GMCL1: variants seen among roughly 807,000 people sequenced by gnomAD.
The protein encoded by GMCL1 is germ cell-less protein-like 1.
A neutral mutation model predicts 75.5 loss-of-function variants in GMCL1; 54 were observed. The ratio of observed to expected loss-of-function variants is 0.71; its 90% CI spans 0.57 to 0.90. GMCL1 has a LOEUF of 0.90. Among genes scored for constraint, GMCL1 ranks in the 40% least tolerant of loss-of-function variants. The pLI is 0.00. For synonymous variants in GMCL1, 210 were observed against 209.6 expected, an observed-to-expected ratio of 1.00 and a Z score of -0.02; for missense variants, 537 against 622.7, an observed-to-expected ratio of 0.86 and a Z score of 1.47.
rs1288960821 is a variant in GMCL1 at position 69,871,767 on chromosome 2, A to G, written c.1387A>G (p.Ser463Gly). The part of the protein sequence containing the change: ...AFRLRLASFD[S>G]SGKLICSRTT... ...TAGATTACGTTTGGCTTCTTTTGAT[A>G]GTAGTGGAAAACTAATATGTAGTAG... Residue 463 changes from serine to glycine, a missense_variant, in exon 13 of 14, where the codon AGT becomes GGT. Around this residue, in one of 3 missense-constraint regions of GMCL1, gnomAD observed 345 missense variants for 410.5 expected, o/e 0.84. Coordinates refer to ENST00000282570, the MANE Select transcript of GMCL1 (RefSeq NM_178439.5). The G allele has an allele frequency of 1.9e-6, 3 of 1,574,012 alleles. No homozygotes were observed. In the East Asian group the frequency reaches 6.8e-5, roughly 35 times the overall value.
At chr2:69,874,972 T>G (rs769382195) in intron 13 of GMCL1, among the ~76,000 whole-genome samples, 1 of 152,046 alleles carries the variant, frequency 6.6e-6, no homozygotes, top group East Asian at 1.9e-4. Flanking sequence ...CTGGAATTCC[T>G]AGGCTCAAGT....
At chr2:69,830,240 A>C in intron 1 of GMCL1, 88 bp downstream of exon 1, 1 of 1,445,300 alleles carries the variant, frequency 6.9e-7, no homozygotes, top group Non-Finnish European at 9.2e-7. Context: ...TGCGGGGTGC[A>C]GCGCTCCCCA....
chr2:69,847,440 T>G, intron 6 of GMCL1, 103 bp from the exon 7 acceptor site: 2 of 771,622 alleles, frequency 2.6e-6, no homozygotes, highest in Non-Finnish European at 4.6e-6. Flanking sequence ...CATTTTTAAT[T>G]CCACATATTT....
chr2:69,843,447 C>T (rs555160177), intron 5 of GMCL1, among the ~76,000 whole-genome samples, 186 bp downstream of exon 5: 24 of 152,138 alleles, frequency 1.6e-4, no homozygotes, highest in Admixed American at 1.3e-3. Context: ...TCAAAAGTGT[C>T]GTCTTTGTAA....
chr2:69,830,255 A>G (rs759650303), intron 1 of GMCL1, 103 bp downstream of exon 1: 12 of 1,386,290 alleles, frequency 8.7e-6, no homozygotes, highest in East Asian at 2.5e-5. Context: ...TCCCCAGCCT[A>G]TGGAGAGGGG....
At chr2:69,872,138 A>T (rs1675999527) in intron 13 of GMCL1, among the ~76,000 whole-genome samples, 1 of 152,230 alleles carries the variant, frequency 6.6e-6, no homozygotes, top group Non-Finnish European at 1.5e-5. Context: ...AAATTTTAGG[A>T]ATCTTAAGTG....
At chr2:69,839,686 A>C in intron 3 of GMCL1, 133 bp downstream of exon 3, 1 of 556,180 alleles carries the variant, frequency 1.8e-6, no homozygotes. Flanking sequence ...TGATAATTTG[A>C]TGTTGATTTA....
At chr2:69,837,509 T>A in intron 1 of GMCL1, 38 bp from the exon 2 acceptor site, 1 of 1,385,886 alleles carries the variant, frequency 7.2e-7, no homozygotes, top group Non-Finnish European at 9.8e-7. Flanking sequence ...AACATTCAGT[T>A]TTATATAAAT....
At chr2:69,856,732 T>C (rs1440764071) in intron 9 of GMCL1, among the ~76,000 whole-genome samples, 2 of 143,900 alleles carry the variant, frequency 1.4e-5, no homozygotes, top group Admixed American at 7.1e-5. Context: ...CCTACTAATA[T>C]AGGGCCAGGA....
At position 69,829,719 on chromosome 2, in the gene GMCL1, C is replaced by T. The variant is rs1026725651; in HGVS notation, c.-174C>T. 20 of 706,558 alleles carry T rather than the reference C, an allele frequency of 2.8e-5. No homozygotes were observed. The highest frequency in any genetic ancestry group is 4.5e-5 in the Non-Finnish European group (20 of 447,610). 43.8% of individuals were successfully genotyped at this position (706,558 alleles called of 1,614,324 possible). A position where few individuals can be genotyped will look rare whatever the true frequency, so the allele number is the denominator to read the frequency against. On this transcript the variant is annotated 5_prime_UTR_variant, in exon 1 of 14. In the 5' UTR this introduces an upstream ATG that the reference lacks. Coordinates refer to ENST00000282570, the MANE Select transcript of GMCL1 (RefSeq NM_178439.5). ...GGTGCTAGAGCGCGGCGCGACCGGA[C>T]GCTGCGGGCGGGGAAGAGGATGGAG... is the stretch of plus-strand genomic sequence containing the variant.
At chr2:69,850,762 C>G (rs567784751) in intron 8 of GMCL1, among the ~76,000 whole-genome samples, 1 of 152,240 alleles carries the variant, frequency 6.6e-6, no homozygotes, top group South Asian at 2.1e-4. Flanking sequence ...TACAAATTTT[C>G]CCATCATGGC....
At chr2:69,844,906 C>T in intron 6 of GMCL1, 1 of 290,252 alleles carries the variant, frequency 3.4e-6, no homozygotes, top group South Asian at 2.9e-5. Flanking sequence ...GTGGCCATGT[C>T]CCTGAATGTT....
chr2:69,853,898 G>T (rs935273782), intron 8 of GMCL1, among the ~76,000 whole-genome samples: 1 of 151,992 alleles, frequency 6.6e-6, no homozygotes, highest in Non-Finnish European at 1.5e-5. Context: ...TGCCTCCCGG[G>T]TTTAAGCAAT....
At chr2:69,875,025 A>C (rs1263711469) in intron 13 of GMCL1, among the ~76,000 whole-genome samples, 1 of 152,144 alleles carries the variant, frequency 6.6e-6, no homozygotes, top group African/African-American at 2.4e-5. Context: ...GATTACAGGC[A>C]TGAGCCACCA....
chr2:69,836,974 A>G (rs1183576597), intron 1 of GMCL1, among the ~76,000 whole-genome samples: 1 of 152,196 alleles, frequency 6.6e-6, no homozygotes, highest in Non-Finnish European at 1.5e-5. Flanking sequence ...ACAAATAGGA[A>G]AAGAAAAGAA....
rs1423826848 is a variant in GMCL1, at chr2:69,871,812, C to G, written c.1432C>G (p.Leu478Val). The G allele has an allele frequency of 3.2e-6, 5 of 1,587,172 alleles. No individual in the cohort carries two copies. The highest frequency in any genetic ancestry group is 3.4e-6 in the Non-Finnish European group (4 of 1,161,640). The stretch of plus-strand genomic sequence containing the variant: ...TAGTAGAACAACTGGCTATCAAATA[C>G]TTACACTTGAAAAGGATCAGGTATG... ...ICSRTTGYQI[L>V]TLEKDQEQVV... Residue 478 changes from leucine to valine, a missense_variant, in exon 13 of 14, where the codon CTT becomes GTT. Leu to Val is a conservative substitution (Grantham distance 32, BLOSUM62 1). Coordinates refer to ENST00000282570, the MANE Select transcript of GMCL1 (RefSeq NM_178439.5).
intron 3 of GMCL1, among the ~76,000 whole-genome samples, chr2:69,840,689 A>C (rs1674958762): frequency 6.6e-6 from 1 of 152,232 alleles, no homozygotes; most frequent in African/African-American, 2.4e-5. Context: ...CACTGATGTC[A>C]AGATTACATG....
At chr2:69,872,166 A>G (rs898773187) in intron 13 of GMCL1, among the ~76,000 whole-genome samples, 1 of 152,230 alleles carries the variant, frequency 6.6e-6, no homozygotes, top group Admixed American at 6.5e-5. Flanking sequence ...CATTGTGTAC[A>G]TAGTGCATTT....
intron 11 of GMCL1, among the ~76,000 whole-genome samples, chr2:69,865,937 C>G (rs1675803091): frequency 6.6e-6 from 1 of 151,936 alleles, no homozygotes; most frequent in Admixed American, 6.6e-5. Context: ...GCCCAGCCTT[C>G]TATTTAATAT....
Sources: allele counts gnomAD v4.1 joint callset (sites outside exome capture counted in the v4.1 genomes callset), GRCh38; gene constraint gnomAD v4.1.1; regional missense constraint gnomAD v4.1.1; transcripts MANE v1.5; gene names NCBI Gene and HGNC (gene_info 2026-07-23, HGNC 2026-07-21).